TRIM3: variants seen among roughly 807,000 people sequenced by gnomAD.
The protein encoded by TRIM3 is tripartite motif-containing protein 3.
A neutral mutation model predicts 66.6 loss-of-function variants in TRIM3; 13 were observed. The observed-to-expected ratio is 0.20, with a 90% CI of 0.13 to 0.31. TRIM3 has a LOEUF of 0.31. Ranked by LOEUF, TRIM3 falls within the 10% of genes least tolerant of loss-of-function variation. TRIM3 has a pLI of 1.00. For missense variants in TRIM3, 711 were observed against 1,020.4 expected (o/e 0.70, Z 4.13); for synonymous variants, 406 against 411.7 (o/e 0.99, Z 0.17).
chr11:6,457,582 G>A lies in TRIM3; in HGVS notation c.516-106C>T. 2 of 1,552,298 alleles carry A rather than the reference G, an allele frequency of 1.3e-6. No homozygotes were observed. Among genetic ancestry groups the A allele is most frequent in the African/African-American group, 1.4e-5 (1 of 73,962 alleles). On this transcript the variant is annotated intron_variant, in intron 4 of 11. Coordinates refer to ENST00000345851, the MANE Select transcript of TRIM3 (RefSeq NM_033278.4). This position sits in a 1 kb window ranked among gnomAD's most constrained non-coding sequence, Gnocchi z 4.5. ...GCCCTCATGGAGATCTCCTTCCTGA[G>A]ACCTCCCTGAGACTTCCATCTCTGC...
rs1590811779 is a variant in TRIM3, at chr11:6,449,488, G to A, written c.1942-42C>T. ...CTAGGGACTGGGGACCTGGCCTCAG[G>A]CAGAGGGTAGGGCTTTGGAGGAGGA... On this transcript the variant is annotated intron_variant, in intron 10 of 11. Coordinates refer to ENST00000345851, the MANE Select transcript of TRIM3 (RefSeq NM_033278.4). This position sits in a 1 kb window ranked among gnomAD's most constrained non-coding sequence, Gnocchi z 5.3. The A allele has an allele frequency of 3.1e-6, 5 of 1,589,884 alleles. No individual in the cohort carries two copies. The highest frequency in any genetic ancestry group is 4.3e-6 in the Non-Finnish European group (5 of 1,164,950).
chr11:6,457,513 G>A lies in TRIM3; in HGVS notation c.516-37C>T. 6.2e-7 allele frequency: 1 copy of A among 1,600,880 alleles called. No homozygotes were observed. Among genetic ancestry groups the A allele is most frequent in the Non-Finnish European group, 8.5e-7 (1 of 1,172,454 alleles). ...ATATCTCATTCCAGAGTTGCTGAGG[G>A]TGGCTTTGCCGAACTTTCCCTTCTC... On this transcript the variant is annotated intron_variant, in intron 4 of 11. Transcript: ENST00000345851. The surrounding 1 kb of genome is among the most constrained non-coding windows in gnomAD (Gnocchi z 4.5).
chr11:6,448,904 G>A lies in TRIM3; in HGVS notation c.*124C>T, dbSNP rs1438887275. The A allele has an allele frequency of 2.5e-5, 31 of 1,242,980 alleles. No homozygotes were observed. Among genetic ancestry groups the A allele is most frequent in the East Asian group, 7.0e-5 (3 of 42,686 alleles). 77.0% of individuals were successfully genotyped at this position (1,242,980 alleles called of 1,614,324 possible). A position where few individuals can be genotyped will look rare whatever the true frequency, so the allele number is the denominator to read the frequency against. On this transcript the variant is annotated 3_prime_UTR_variant, in exon 12 of 12. Transcript: ENST00000345851. Reference sequence around the variant, plus strand: ...GTGGGGGTAGGAGAGGGAGGGCACCGGGTGCACCCATGCCCACAGCCCACA... The same window carrying A: ...GTGGGGGTAGGAGAGGGAGGGCACCAGGTGCACCCATGCCCACAGCCCACA...
At chr11:6,470,182 G>A (rs779155712) in intron 1 of TRIM3, among the ~76,000 whole-genome samples, 2 of 152,132 alleles carry the variant, frequency 1.3e-5, no homozygotes, top group Admixed American at 6.5e-5. Context: ...GGGCAAGGAC[G>A]GAAAATTAAG....
chr11:6,461,297 TG>T (rs149702440), intron 2 of TRIM3, among the ~76,000 whole-genome samples: 7,384 of 152,220 alleles, frequency 0.049, 558 homozygotes, highest in African/African-American at 0.16. Context: ...GGCCAGAAGG[TG>T]GGCTTGAGCC....
rs907499536 is a variant in TRIM3 at position 6,457,158 on chromosome 11, A to G, written c.697-129T>C. 1 of 1,502,664 alleles carries G rather than the reference A, an allele frequency of 6.7e-7. No individual in the cohort carries two copies. The highest frequency in any genetic ancestry group is 9.0e-7 in the Non-Finnish European group (1 of 1,111,648). The allele number at this position is 1,502,664 out of a possible 1,614,324, so 93.1% of individuals were successfully genotyped here. A position where few individuals can be genotyped will look rare whatever the true frequency, so the allele number is the denominator to read the frequency against. On this transcript the variant is annotated intron_variant, in intron 5 of 11. Transcript: ENST00000345851. The surrounding 1 kb of genome is among the most constrained non-coding windows in gnomAD (Gnocchi z 4.5). ...GTGGACAGAGGACACAGATGCCCAC[A>G]GCACCTACCGAGGGCATGTCAGGAG...
At chr11:6,455,904 G>A (rs933734858) in intron 7 of TRIM3, among the ~76,000 whole-genome samples, 168 bp downstream of exon 7, 1 of 152,186 alleles carries the variant, frequency 6.6e-6, no homozygotes, top group Non-Finnish European at 1.5e-5. Context: ...GGAATGGGGT[G>A]GCTGGTGGGT....
At chr11:6,455,687 C>A (rs1435803746) in intron 7 of TRIM3, among the ~76,000 whole-genome samples, 1 of 152,050 alleles carries the variant, frequency 6.6e-6, no homozygotes, top group African/African-American at 2.4e-5. Flanking sequence ...GCCAGGCATG[C>A]ATGTTGGAAG....
At chr11:6,454,673 G>A (rs553164222) in intron 7 of TRIM3, among the ~76,000 whole-genome samples, 2 of 152,264 alleles carry the variant, frequency 1.3e-5, no homozygotes, top group Middle Eastern at 3.4e-3. Context: ...GCTGCACAGG[G>A]CCTCTCCATT....
chr11:6,473,534 G>C (rs1850793214), intron 1 of TRIM3, among the ~76,000 whole-genome samples: 1 of 151,842 alleles, frequency 6.6e-6, no homozygotes, highest in African/African-American at 2.4e-5. Context: ...ACACACACAA[G>C]CTCCCAAACC....
At chr11:6,461,153 G>A (rs867638110) in intron 2 of TRIM3, among the ~76,000 whole-genome samples, 21 of 152,114 alleles carry the variant, frequency 1.4e-4, no homozygotes, top group South Asian at 2.1e-4. Context: ...TGATCTGCCC[G>A]TCTCGGCCTC....
chr11:6,449,498 G>T lies in TRIM3; in HGVS notation c.1942-52C>A. On this transcript the variant is annotated intron_variant, in intron 10 of 11. Transcript: ENST00000345851. The surrounding 1 kb of genome is among the most constrained non-coding windows in gnomAD (Gnocchi z 5.3). Reference sequence around the variant, plus strand: ...GGGACCTGGCCTCAGGCAGAGGGTAGGGCTTTGGAGGAGGATAGGGTGAAG... The same window carrying T: ...GGGACCTGGCCTCAGGCAGAGGGTATGGCTTTGGAGGAGGATAGGGTGAAG... The T allele has an allele frequency of 6.4e-7, 1 of 1,563,572 alleles. No homozygotes were observed. The highest frequency in any genetic ancestry group is 1.2e-5 in the South Asian group (1 of 84,086).
At position 6,449,440 on chromosome 11, in the gene TRIM3, T is replaced by C. The variant is rs780717048; in HGVS notation, c.1948A>G (p.Ser650Gly). Reference sequence around the variant, plus strand: ...TTGAAGAGGAACTCTCCATCGGCACTGTACACCTGGCGGGGGAAGGGGCTA... The same window carrying C: ...TTGAAGAGGAACTCTCCATCGGCACCGTACACCTGGCGGGGGAAGGGGCTA... ...DFHNHSVKVY[S>G]ADGEFLFKFG... Residue 650 changes from serine (S) to glycine (G), a missense_variant, in exon 11 of 12, where the codon AGT (serine) becomes GGT (glycine). This residue lies in a region of TRIM3 where 163 missense variants were observed against 321.9 expected (regional missense o/e 0.51). Transcript: ENST00000345851. The surrounding 1 kb of genome is among the most constrained non-coding windows in gnomAD (Gnocchi z 5.3). The C allele has an allele frequency of 1.2e-6, 2 of 1,613,394 alleles. No individual in the cohort carries two copies. Among genetic ancestry groups the C allele is most frequent in the Middle Eastern group, 1.6e-4 (1 of 6,082 alleles).
rs1850099269 is a variant in TRIM3, at chr11:6,458,754, A to G, written c.132-458T>C. 6.6e-6 allele frequency among the ~76,000 whole-genome samples: 1 copy of G among 152,228 alleles called. No individual in the cohort carries two copies. Among genetic ancestry groups the G allele is most frequent in the African/African-American group, 2.4e-5 (1 of 41,466 alleles). ...AGTCACAGGAATAGTACAGAAGTAA[A>G]TAGCATGATGATTAAGGGAATGGGT... On this transcript the variant is annotated intron_variant, in intron 2 of 11. Transcript: ENST00000345851. The surrounding 1 kb of genome is among the most constrained non-coding windows in gnomAD (Gnocchi z 6.2).
chr11:6,467,271 G>A (rs1210228913), intron 1 of TRIM3, among the ~76,000 whole-genome samples: 1 of 152,204 alleles, frequency 6.6e-6, no homozygotes, highest in Non-Finnish European at 1.5e-5. Context: ...AAAATGGTAT[G>A]GGTGAGGGTG....
intron 7 of TRIM3, chr11:6,453,052 T>C (rs1849798319): frequency 6.6e-6 from 1 of 152,252 alleles, no homozygotes; most frequent in South Asian, 2.1e-4. Context: ...AAATAACTGT[T>C]AAATATCGGT....
chr11:6,470,158 G>A (rs970856514), intron 1 of TRIM3, among the ~76,000 whole-genome samples: 1 of 152,204 alleles, frequency 6.6e-6, no homozygotes, highest in African/African-American at 2.4e-5. Flanking sequence ...CTGCTATGTG[G>A]AAAATAGTTT....
chr11:6,449,507 A>G lies in TRIM3; in HGVS notation c.1942-61T>C. On this transcript the variant is annotated intron_variant, in intron 10 of 11. Transcript: ENST00000345851. This position sits in a 1 kb window ranked among gnomAD's most constrained non-coding sequence, Gnocchi z 5.3. Reference sequence around the variant, plus strand: ...CCTCAGGCAGAGGGTAGGGCTTTGGAGGAGGATAGGGTGAAGCCCCAGGGC... The same window carrying G: ...CCTCAGGCAGAGGGTAGGGCTTTGGGGGAGGATAGGGTGAAGCCCCAGGGC... 5 of 1,541,522 alleles carry G rather than the reference A, an allele frequency of 3.2e-6. No individual in the cohort carries two copies. The highest frequency in any genetic ancestry group is 1.2e-5 in the South Asian group (1 of 81,838).
intron 2 of TRIM3, among the ~76,000 whole-genome samples, chr11:6,463,002 C>T (rs983577268): frequency 6.6e-6 from 1 of 151,978 alleles, no homozygotes; most frequent in Admixed American, 6.6e-5. Flanking sequence ...GTCAGGAGTT[C>T]GAGACCAGCC....
Sources: gnomAD v4.1 joint callset for allele counts (sites outside exome capture counted in the v4.1 genomes callset) on GRCh38, gnomAD v4.1.1 for gene constraint, gnomAD v4.1.1 regional missense constraint, Gnocchi (gnomAD v3.1) non-coding constraint, MANE v1.5 for transcripts, NCBI Gene and HGNC (gene_info 2026-07-23, HGNC 2026-07-21) for gene names.